Variants in ITPR1 observed in about 807,000 individuals in gnomAD.
The protein encoded by ITPR1 is inositol 1,4,5-trisphosphate receptor type 1.
In ITPR1, 96 loss-of-function variants were observed where a neutral mutation model predicts 318.4. The observed-to-expected ratio is 0.30, with a 90% confidence interval of 0.26 to 0.36. ITPR1 has a LOEUF of 0.36. Ranked by LOEUF, ITPR1 falls within the 10% of genes least tolerant of loss-of-function variation. The probability of loss-of-function intolerance (pLI) is 1.00; values close to 1 mark genes in which losing one functional copy is unlikely to be tolerated. For synonymous variants in ITPR1, 1,312 were observed against 1,289.9 expected (o/e 1.02, Z -0.37); for missense variants, 2,440 against 3,460.2 (o/e 0.71, Z 7.40).
Position 4,663,210 on chromosome 3 carries a change from G to T in ITPR1, c.1554+4G>T. The T allele has an allele frequency of 6.2e-7, 1 of 1,608,286 alleles. No homozygotes were observed. The highest frequency in any genetic ancestry group is 1.1e-5 in the South Asian group (1 of 90,284). On this transcript the variant is annotated splice_donor_region_variant and intron_variant, in intron 16 of 61. Coordinates refer to ENST00000649015, the MANE Select transcript of ITPR1 (RefSeq NM_001378452.1). ...AGAACAGAATATTCTCAAGCAGGTC[G>T]GTGAGATGTGGCGTACTGGGGATTT...
At position 4,800,571 on chromosome 3, in the gene ITPR1, C is replaced by A. The variant is rs1472287010; in HGVS notation, c.7078C>A (p.Pro2360Thr). ...LRLIFSVGLQ[P>T]TLFLLGAFNV... ...ACTGATATTTTCAGTCGGGTTACAA[C>A]CCACGTTGTTTCTTCTGGGCGCTTT... The change falls in exon 54 of 62, where the codon CCC becomes ACC. Residue 2360 changes from proline (P) to threonine (T), a missense_variant. Around this residue, in one of 23 missense-constraint regions of ITPR1, gnomAD observed 126 missense variants for 150.8 expected, o/e 0.84. Transcript: ENST00000649015. 1 of 1,614,044 alleles carries A rather than the reference C, an allele frequency of 6.2e-7. No individual in the cohort carries two copies. The highest frequency in any genetic ancestry group is 1.3e-5 in the African/African-American group (1 of 75,062).
chr3:4,804,111 A>G (rs943026246), intron 54 of ITPR1, among the ~76,000 whole-genome samples: 25 of 152,334 alleles, frequency 1.6e-4, no homozygotes, highest in African/African-American at 5.3e-4. Flanking sequence ...AGCTCAGGCA[A>G]TCCACCCGCC....
intron 4 of ITPR1, among the ~76,000 whole-genome samples, chr3:4,578,281 T>A (rs2088903135): frequency 6.6e-6 from 1 of 152,238 alleles, no homozygotes; most frequent in African/African-American, 2.4e-5. Flanking sequence ...CCACTTTTTT[T>A]ATTTTTTGGT....
chr3:4,582,097 T>C (rs1347187614), intron 4 of ITPR1, among the ~76,000 whole-genome samples: 1 of 152,184 alleles, frequency 6.6e-6, no homozygotes, highest in Admixed American at 6.5e-5. Context: ...ACTTGAATAC[T>C]CGGTGCTCCC....
chr3:4,531,692 C>T (rs1371131614), intron 4 of ITPR1, among the ~76,000 whole-genome samples: 5 of 152,196 alleles, frequency 3.3e-5, no homozygotes, highest in Non-Finnish European at 5.9e-5. Flanking sequence ...TACTCTGGGA[C>T]TTTGCATGTC....
At chr3:4,628,839 G>A (rs1241286042) in intron 5 of ITPR1, among the ~76,000 whole-genome samples, 1 of 152,222 alleles carries the variant, frequency 6.6e-6, no homozygotes, top group African/African-American at 2.4e-5. Context: ...AGTGATGACA[G>A]TTGAAGACCT....
At chr3:4,618,089 C>T (rs1054424630) in intron 4 of ITPR1, among the ~76,000 whole-genome samples, 10 of 151,614 alleles carry the variant, frequency 6.6e-5, no homozygotes, top group Middle Eastern at 3.5e-3. Flanking sequence ...TTAATAGGTA[C>T]AGAGTTTCCT....
chr3:4,697,147 G>A lies in ITPR1; in HGVS notation c.4282G>A (p.Val1428Ile). ...VVTHEDCIPE[V>I]KIAYINFLNH... The stretch of plus-strand genomic sequence containing the variant: ...AGAAAAGCTTCTTTCTATCTTGCAG[G>A]TTAAAATTGCATACATTAACTTCCT... The change falls in exon 34 of 62, where the codon GTT (valine) becomes ATT (isoleucine). Residue 1428 changes from valine (V) to isoleucine (I), a missense_variant and splice_region_variant. By Grantham distance (29) the Val-to-Ile change is conservative. Coordinates refer to ENST00000649015, the MANE Select transcript of ITPR1 (RefSeq NM_001378452.1). 1.2e-6 allele frequency: 2 copies of A among 1,610,346 alleles called. No individual in the cohort carries two copies. The highest frequency in any genetic ancestry group is 8.5e-7 in the Non-Finnish European group (1 of 1,178,074).
In ITPR1 at chr3:4,645,746, A is replaced by G. The variant is rs544750246; in HGVS notation, c.855+18A>G. The G allele has an allele frequency of 1.6e-3, 2,656 of 1,609,702 alleles. 53 individuals are homozygous for G. In the South Asian group the frequency reaches 0.028, roughly 17 times the overall value. On this transcript the variant is annotated intron_variant, in intron 10 of 61. Coordinates refer to ENST00000649015, the MANE Select transcript of ITPR1 (RefSeq NM_001378452.1). ...AGGTGGAGGTAAGGGTAGGGTGGAG[A>G]AAGGGCTCCTGGGTTTAGAGGATAT...
chr3:4,791,357 T>C (rs1009825237), intron 52 of ITPR1, among the ~76,000 whole-genome samples: 5 of 152,076 alleles, frequency 3.3e-5, no homozygotes, highest in African/African-American at 1.2e-4. Flanking sequence ...GAGGGATGAT[T>C]TGGGGATGAA....
intron 53 of ITPR1, 136 bp from the exon 54 acceptor site, chr3:4,800,289 G>C (rs750121381): frequency 5.2e-6 from 4 of 765,280 alleles, no homozygotes; most frequent in African/African-American, 3.5e-5. Flanking sequence ...GGATGGGGCA[G>C]AGAATTTGAG....
At chr3:4,823,902 T>C (rs2049892185) in intron 60 of ITPR1, among the ~76,000 whole-genome samples, 1 of 152,214 alleles carries the variant, frequency 6.6e-6, no homozygotes, top group Non-Finnish European at 1.5e-5. Context: ...ATAAGACATG[T>C]CTTCTGCTAA....
intron 44 of ITPR1, among the ~76,000 whole-genome samples, chr3:4,766,328 T>C (rs539749350): frequency 9.2e-5 from 14 of 152,316 alleles, no homozygotes; most frequent in African/African-American, 3.4e-4. Flanking sequence ...AGCAATTTGT[T>C]TCAAAGGCTC....
intron 24 of ITPR1, among the ~76,000 whole-genome samples, chr3:4,679,257 G>A (rs1216639982): frequency 6.6e-6 from 1 of 152,244 alleles, no homozygotes; most frequent in African/African-American, 2.4e-5. Flanking sequence ...GCGCTCTCCA[G>A]AGAAACAGAA....
intron 44 of ITPR1, among the ~76,000 whole-genome samples, chr3:4,758,206 C>T (rs936357218): frequency 4.6e-5 from 7 of 152,188 alleles, no homozygotes; most frequent in Admixed American, 4.6e-4. Flanking sequence ...TGGAAAATCC[C>T]ATTCTCTGGA....
At chr3:4,561,540 T>C (rs1382080553) in intron 4 of ITPR1, among the ~76,000 whole-genome samples, 3 of 152,142 alleles carry the variant, frequency 2.0e-5, no homozygotes, top group African/African-American at 7.2e-5. Flanking sequence ...AGGTTCAAAC[T>C]TACTTTTTTG....
At chr3:4,807,710 T>C (rs775190192) in intron 55 of ITPR1, among the ~76,000 whole-genome samples, 6 of 152,222 alleles carry the variant, frequency 3.9e-5, no homozygotes, top group African/African-American at 7.2e-5. Context: ...TAGGTCTGGC[T>C]ATATTTTGAG....
intron 4 of ITPR1, among the ~76,000 whole-genome samples, chr3:4,545,347 G>A (rs2084866959): frequency 6.6e-6 from 1 of 152,078 alleles, no homozygotes; most frequent in Non-Finnish European, 1.5e-5. Flanking sequence ...TTTGGACTGG[G>A]TACAGTGGCT....
chr3:4,837,416 C>T (rs533741694), intron 61 of ITPR1, among the ~76,000 whole-genome samples: 1 of 152,068 alleles, frequency 6.6e-6, no homozygotes, highest in Non-Finnish European at 1.5e-5. Flanking sequence ...ATTCTTTTCT[C>T]AGTGGCTTAC....
Sources: allele counts gnomAD v4.1 joint callset (sites outside exome capture counted in the v4.1 genomes callset), GRCh38; gene constraint gnomAD v4.1.1; regional missense constraint gnomAD v4.1.1; transcripts MANE v1.5; gene names NCBI Gene and HGNC (gene_info 2026-07-23, HGNC 2026-07-21).